ESRRG: variants seen among roughly 807,000 people sequenced by gnomAD.
ESRRG encodes the protein estrogen-related receptor gamma.
ESRRG carries 13 observed loss-of-function variants against 44.0 expected under a neutral mutation model. The observed-to-expected ratio is 0.30, with a 90% CI of 0.19 to 0.47. ESRRG has a LOEUF of 0.47. Ranked by LOEUF, ESRRG falls within the 20% of genes least tolerant of loss-of-function variation. The probability of loss-of-function intolerance (pLI) is 1.00; values close to 1 mark genes in which losing one functional copy is unlikely to be tolerated. For missense variants in ESRRG, 395 were observed against 580.6 expected, an observed-to-expected ratio of 0.68 and a Z score of 3.29; for synonymous variants, 215 against 214.6, an observed-to-expected ratio of 1.00 and a Z score of -0.02.
chr1:216,936,494 C>T (rs372871671), intron 2 of ESRRG, among the ~76,000 whole-genome samples: 5 of 151,704 alleles, frequency 3.3e-5, no homozygotes, highest in Admixed American at 6.6e-5. Flanking sequence ...GATGGGTAAA[C>T]GCACACACAC....
chr1:216,584,401 C>T (rs547700622), intron 3 of ESRRG, among the ~76,000 whole-genome samples: 18 of 151,914 alleles, frequency 1.2e-4, no homozygotes, highest in South Asian at 6.2e-4. Context: ...GGACTACAGG[C>T]GCCCGCCACC....
chr1:216,550,414 T>A (rs2055934961), intron 5 of ESRRG, among the ~76,000 whole-genome samples: 2 of 152,094 alleles, frequency 1.3e-5, no homozygotes, highest in Admixed American at 6.6e-5. Flanking sequence ...GATTTGCAAA[T>A]GTAATCAAAC....
chr1:216,644,095 C>T (rs2067003571), intron 3 of ESRRG, among the ~76,000 whole-genome samples: 1 of 152,158 alleles, frequency 6.6e-6, no homozygotes, highest in Non-Finnish European at 1.5e-5. Flanking sequence ...GTCACTAAAA[C>T]TCTCTGACCT....
At chr1:216,572,774 G>T (rs1219059345) in intron 3 of ESRRG, among the ~76,000 whole-genome samples, 1 of 151,936 alleles carries the variant, frequency 6.6e-6, no homozygotes, top group East Asian at 1.9e-4. Flanking sequence ...AAGGTACATT[G>T]CAAAGGACAG....
chr1:216,844,829 C>T (rs2095715342), intron 2 of ESRRG, among the ~76,000 whole-genome samples: 1 of 152,072 alleles, frequency 6.6e-6, no homozygotes, highest in Non-Finnish European at 1.5e-5. Flanking sequence ...ACCACACACA[C>T]ACACTCAAAA....
rs115693130 is a variant in ESRRG at position 216,798,465 on chromosome 1, G to A, written c.-13-120974C>T. On this transcript the variant is annotated intron_variant, in intron 2 of 7. Coordinates refer to the ESRRG transcript ENST00000359162. ...GGAAGCACTATAGTACAGTGAACAAGGGAAAGAGGATGAAAAAGGCCTCCA... is the reference window on the plus strand; with the variant it reads ...GGAAGCACTATAGTACAGTGAACAAAGGAAAGAGGATGAAAAAGGCCTCCA... Among the ~76,000 whole-genome samples the A allele has an allele frequency of 5.6e-3, 853 of 152,298 alleles. 7 individuals carry two copies. Among genetic ancestry groups the A allele is most frequent in the African/African-American group, 0.019 (810 of 41,566 alleles).
intron 1 of ESRRG, among the ~76,000 whole-genome samples, chr1:217,065,431 T>C (rs2089466883): frequency 6.6e-6 from 1 of 152,242 alleles, no homozygotes. Flanking sequence ...GAATCTCCCA[T>C]GAGGCTTGCT....
At chr1:216,616,868 C>A (rs1035405726) in intron 3 of ESRRG, among the ~76,000 whole-genome samples, 1 of 152,122 alleles carries the variant, frequency 6.6e-6, no homozygotes, top group Non-Finnish European at 1.5e-5. Flanking sequence ...CCTTCTACCT[C>A]CAAGATGAGA....
At chr1:217,088,398 C>CT (rs71585811) in intron 1 of ESRRG, among the ~76,000 whole-genome samples, 1,320 of 59,718 alleles carry the variant, frequency 0.022, 186 homozygotes, top group African/African-American at 0.04. Context: ...TTTTTCCTGT[C>CT]TTTTTTTTTT....
intron 1 of ESRRG, among the ~76,000 whole-genome samples, chr1:216,942,257 A>C (rs1164070997): frequency 1.3e-5 from 2 of 152,264 alleles, no homozygotes; most frequent in East Asian, 3.9e-4. Flanking sequence ...ATTCTTTTTT[A>C]TGGCTGCATG....
At chr1:216,735,529 T>G (rs1572740) in intron 2 of ESRRG, among the ~76,000 whole-genome samples, 47,459 of 152,006 alleles carry the variant, frequency 0.31, 9,046 homozygotes, top group East Asian at 0.56. Context: ...TAAGACAAGG[T>G]TGTGCAGCAA....
intron 2 of ESRRG, among the ~76,000 whole-genome samples, chr1:216,667,034 G>A (rs922182342): frequency 3.9e-5 from 6 of 152,086 alleles, no homozygotes; most frequent in African/African-American, 1.4e-4. Context: ...TAACCCAGAC[G>A]GGTCAGGATA....
rs536416677 is a variant in ESRRG at position 216,896,398 on chromosome 1, C to T, written c.-14+43184G>A. Among the ~76,000 whole-genome samples the T allele has an allele frequency of 2.6e-5, 4 of 152,186 alleles. No homozygotes were observed. The South Asian group carries it at 6.2e-4, about 24-fold the overall frequency. ...GGGAAACAACAGCACTCAGGTAATC[C>T]CCTTTATAGGCTGATTTGATAGCTC... On this transcript the variant is annotated intron_variant, in intron 2 of 7. Coordinates refer to the ESRRG transcript ENST00000359162.
chr1:217,036,402 G>A (rs1048148655), intron 1 of ESRRG, among the ~76,000 whole-genome samples: 4 of 152,094 alleles, frequency 2.6e-5, no homozygotes, highest in Admixed American at 1.3e-4. Flanking sequence ...GCAAAGACAT[G>A]GAATCAACCT....
At chr1:217,038,301 T>C (rs937040575) in intron 1 of ESRRG, among the ~76,000 whole-genome samples, 1 of 152,240 alleles carries the variant, frequency 6.6e-6, no homozygotes, top group Non-Finnish European at 1.5e-5. Context: ...ATACCTCCTA[T>C]GAAATCTAGG....
At chr1:216,753,185 C>CACACACACACACACAT (rs1553571007) in intron 2 of ESRRG, among the ~76,000 whole-genome samples, 1 of 151,994 alleles carries the variant, frequency 6.6e-6, no homozygotes, top group Non-Finnish European at 1.5e-5. Context: ...TACACACACA[C>CACACACACACACACAT]ACACACACAC....
At chr1:216,509,064 G>A (rs1282468916) in intron 6 of ESRRG, among the ~76,000 whole-genome samples, 1 of 152,172 alleles carries the variant, frequency 6.6e-6, no homozygotes, top group Non-Finnish European at 1.5e-5. Context: ...CATTTATTAA[G>A]CACCTATTTC....
At position 216,780,662 on chromosome 1, in the gene ESRRG, A is replaced by G. The variant is rs1437115466; in HGVS notation, c.-13-103171T>C. On this transcript the variant is annotated intron_variant, in intron 2 of 7. Coordinates refer to the ESRRG transcript ENST00000359162. The stretch of plus-strand genomic sequence containing the variant: ...GTTCCAGATGATTCTCCTTTAATCT[A>G]TATTATCTGTATAACAAATCACATA... Among the ~76,000 whole-genome samples the G allele has an allele frequency of 3.9e-5, 6 of 151,950 alleles. No homozygotes were observed. The East Asian group carries it at 1.2e-3, about 29-fold the overall frequency.
chr1:216,820,551 C>T (rs922594308), intron 2 of ESRRG, among the ~76,000 whole-genome samples: 4 of 152,024 alleles, frequency 2.6e-5, no homozygotes, highest in South Asian at 2.1e-4. Flanking sequence ...GTAAGCCTTT[C>T]GACTCTAGGC....
Sources: allele counts gnomAD v4.1 joint callset (sites outside exome capture counted in the v4.1 genomes callset), GRCh38; gene constraint gnomAD v4.1.1; transcripts MANE v1.5; gene names NCBI Gene and HGNC (gene_info 2026-07-23, HGNC 2026-07-21).